The following CYB5R4 variants were observed in gnomAD, a reference collection of about 807,000 sequenced individuals.
CYB5R4 encodes the protein cytochrome b5 reductase 4, also known as N-terminal cytochrome b5 and cytochrome b5 oxidoreductase domain-containing protein.
Under a neutral mutation model 70.2 loss-of-function variants are expected in CYB5R4, and 55 were observed. That is an observed-to-expected ratio of 0.78 (90% CI 0.63 to 0.98). The LOEUF is 0.98. CYB5R4 is among the 50% of genes least tolerant of loss of function. The pLI, the probability that CYB5R4 is intolerant of heterozygous loss-of-function variation, is 0.00. For synonymous variants in CYB5R4, 197 were observed against 199.5 expected (o/e 0.99, Z 0.11); for missense variants, 562 against 612.6 (o/e 0.92, Z 0.87).
chr6:83,905,826 C>T (rs2099463676), intron 3 of CYB5R4, among the ~76,000 whole-genome samples: 1 of 151,766 alleles, frequency 6.6e-6, no homozygotes. Context: ...AGGTGGTACA[C>T]GCTTATGTTG....
In CYB5R4 at chr6:83,909,027, T is replaced by G. The variant is rs773513768; in HGVS notation, c.349T>G (p.Tyr117Asp). The G allele has an allele frequency of 6.2e-7, 1 of 1,613,866 alleles. No homozygotes were observed. The highest frequency in any genetic ancestry group is 8.5e-7 in the Non-Finnish European group (1 of 1,179,810). ...ATACCAGGTTCATCGTTGGGTCAATTATGAATCCATGCTGAAAGAATGCCT... is the reference window on the plus strand; with the variant it reads ...ATACCAGGTTCATCGTTGGGTCAATGATGAATCCATGCTGAAAGAATGCCT... ...LFDQVHRWVNYESMLKECLVG... is the reference protein window; with the variant it reads ...LFDQVHRWVNDESMLKECLVG... Residue 117 changes from tyrosine to aspartate, a missense_variant, in exon 4 of 16, where the codon TAT becomes GAT. Transcript: ENST00000369681.
chr6:83,899,582 A>G (rs1467904205), intron 3 of CYB5R4, among the ~76,000 whole-genome samples: 1 of 152,166 alleles, frequency 6.6e-6, no homozygotes, highest in Non-Finnish European at 1.5e-5. Flanking sequence ...TCGGCTGTGA[A>G]TCCATCTGGT....
chr6:83,909,987 A>T, intron 4 of CYB5R4: 2 of 1,569,736 alleles, frequency 1.3e-6, no homozygotes, highest in Non-Finnish European at 1.7e-6. Flanking sequence ...TTAGTTTTTT[A>T]TTATTAAAAA....
At chr6:83,922,537 AC>A in intron 9 of CYB5R4, 67 bp downstream of exon 9, 1 of 1,144,416 alleles carries the variant, frequency 8.7e-7, no homozygotes, top group Non-Finnish European at 1.3e-6. Context: ...AGAGAGAGAT[AC>A]GAAAAAATTG....
At chr6:83,908,336 G>A (rs1019995055) in intron 3 of CYB5R4, among the ~76,000 whole-genome samples, 2 of 152,022 alleles carry the variant, frequency 1.3e-5, no homozygotes, top group African/African-American at 4.8e-5. Context: ...GGTTTGTTAT[G>A]TAGGTAAAAT....
intron 14 of CYB5R4, among the ~76,000 whole-genome samples, chr6:83,953,511 G>A (rs1272375073): frequency 6.6e-6 from 1 of 152,002 alleles, no homozygotes; most frequent in Non-Finnish European, 1.5e-5. Context: ...GGAAAAGCTG[G>A]GGCCCCAAGT....
intron 14 of CYB5R4, among the ~76,000 whole-genome samples, chr6:83,944,762 C>CA (rs528900366): frequency 8.1e-4 from 113 of 140,026 alleles, no homozygotes; most frequent in African/African-American, 1.7e-3. Flanking sequence ...CAATGGAAAG[C>CA]AAAAAAAAAA....
At chr6:83,864,067 A>C in intron 1 of CYB5R4, 108 bp from the exon 2 acceptor site, 1 of 1,053,404 alleles carries the variant, frequency 9.5e-7, no homozygotes, top group Non-Finnish European at 1.3e-6. Flanking sequence ...ACAGCCTCTT[A>C]AAACTGTAAA....
At position 83,860,493 on chromosome 6, in the gene CYB5R4, G is replaced by A. The variant is rs552123766; in HGVS notation, c.75+636G>A. Reference sequence around the variant, plus strand: ...TACTCTTGAGTTCTTGTTGAGCACAGTTGCTGTTAGCAACAGGTGGAATAC... The same window carrying A: ...TACTCTTGAGTTCTTGTTGAGCACAATTGCTGTTAGCAACAGGTGGAATAC... On this transcript the variant is annotated intron_variant, in intron 1 of 15. Coordinates refer to ENST00000369681, the MANE Select transcript of CYB5R4 (RefSeq NM_016230.4). Among the ~76,000 whole-genome samples the A allele has an allele frequency of 5.3e-5, 8 of 152,296 alleles. No individual in the cohort carries two copies. The South Asian group carries it at 1.7e-3, about 32-fold the overall frequency.
intron 7 of CYB5R4, 105 bp downstream of exon 7, chr6:83,919,559 T>C: frequency 4.0e-6 from 2 of 503,318 alleles, no homozygotes; most frequent in Non-Finnish European, 6.9e-6. Flanking sequence ...CTCACTATAA[T>C]TCTTTGAGGT....
intron 3 of CYB5R4, among the ~76,000 whole-genome samples, chr6:83,901,121 T>G (rs2099462881): frequency 6.6e-6 from 1 of 152,216 alleles, no homozygotes; most frequent in Non-Finnish European, 1.5e-5. Flanking sequence ...CTTTCCGTGT[T>G]TGGTGCTCCC....
intron 12 of CYB5R4, among the ~76,000 whole-genome samples, chr6:83,939,670 A>G (rs2099469457): frequency 6.6e-6 from 1 of 152,204 alleles, no homozygotes; most frequent in South Asian, 2.1e-4. Flanking sequence ...AGACAAATAT[A>G]TATGGACTCT....
In CYB5R4 at chr6:83,963,938, A is replaced by C. The variant is rs1391280648; in HGVS notation, c.*4060A>C. On this transcript the variant is annotated 3_prime_UTR_variant, in exon 16 of 16. Coordinates refer to ENST00000369681, the MANE Select transcript of CYB5R4 (RefSeq NM_016230.4). ...TCTCACAAGACCTGGTGGTTTTATC[A>C]GGGGTTTCCGCTTTTGCATCTTACT... 1 of 196,028 alleles carries C rather than the reference A, an allele frequency of 5.1e-6. No homozygotes were observed. Among genetic ancestry groups the C allele is most frequent in the Non-Finnish European group, 1.0e-5 (1 of 99,164 alleles). 12.1% of individuals were successfully genotyped at this position (196,028 alleles called of 1,614,324 possible).
intron 12 of CYB5R4, 145 bp downstream of exon 12, chr6:83,936,521 C>G (rs191145865): frequency 2.7e-5 from 18 of 672,280 alleles, no homozygotes; most frequent in African/African-American, 2.7e-4. Flanking sequence ...TCCTACACAG[C>G]GTGGCCATGC....
At chr6:83,914,112 C>T (rs1036855689) in intron 4 of CYB5R4, among the ~76,000 whole-genome samples, 11 of 152,002 alleles carry the variant, frequency 7.2e-5, no homozygotes, top group East Asian at 1.9e-4. Flanking sequence ...TGAAACTTGA[C>T]GTTTACATAT....
At chr6:83,905,973 T>C (rs1420759040) in intron 3 of CYB5R4, among the ~76,000 whole-genome samples, 1 of 151,982 alleles carries the variant, frequency 6.6e-6, no homozygotes, top group African/African-American at 2.4e-5. Flanking sequence ...CAGGTGCCAG[T>C]GTGTTGGACT....
chr6:83,921,047 C>T lies in CYB5R4; in HGVS notation c.565-35C>T, dbSNP rs61763828. On this transcript the variant is annotated intron_variant, in intron 7 of 15. Coordinates refer to ENST00000369681, the MANE Select transcript of CYB5R4 (RefSeq NM_016230.4). ...TGTAGAAGTTTGGGGGAAAATTTTA[C>T]TTTCTAATCTTTCTATTTTTGCTTT... The T allele has an allele frequency of 3.1e-3, 4,276 of 1,401,580 alleles. 103 individuals carry two copies. The African/African-American group carries it at 0.054, about 18-fold the overall frequency. The allele number at this position is 1,401,580 out of a possible 1,614,324, so 86.8% of individuals were successfully genotyped here. A position where few individuals can be genotyped will look rare whatever the true frequency, so the allele number is the denominator to read the frequency against.
intron 3 of CYB5R4, among the ~76,000 whole-genome samples, chr6:83,904,834 T>C (rs1435310045): frequency 6.6e-6 from 1 of 152,224 alleles, no homozygotes; most frequent in Non-Finnish European, 1.5e-5. Flanking sequence ...AATTCTGTTG[T>C]ACCTCACTGA....
intron 3 of CYB5R4, among the ~76,000 whole-genome samples, chr6:83,908,754 C>T (rs12175491): frequency 0.15 from 23,450 of 152,010 alleles, 3,502 homozygotes; most frequent in African/African-American, 0.37. Context: ...TATCATGAAA[C>T]AAATTGAGAC....
Sources: allele counts gnomAD v4.1 joint callset (sites outside exome capture counted in the v4.1 genomes callset), GRCh38; gene constraint gnomAD v4.1.1; transcripts MANE v1.5; gene names NCBI Gene and HGNC (gene_info 2026-07-23, HGNC 2026-07-21).